Variants in PTPN3 observed in about 807,000 individuals in gnomAD.
The protein encoded by PTPN3 is protein tyrosine phosphatase non-receptor type 3.
PTPN3 carries 96 observed loss-of-function variants against 132.7 expected under a neutral mutation model. That is an observed-to-expected ratio of 0.72 (90% CI 0.61 to 0.86). PTPN3 has a LOEUF of 0.86. Ranked by LOEUF, PTPN3 falls within the 40% of genes least tolerant of loss-of-function variation. PTPN3 has a pLI of 0.00. For synonymous variants in PTPN3, 398 were observed against 429.0 expected (o/e 0.93, Z 0.89); for missense variants, 1,125 against 1,159.6 (o/e 0.97, Z 0.43).
chr9:109,420,363 A>G (rs889133316), intron 14 of PTPN3, 61 bp downstream of exon 14: 1 of 1,513,962 alleles, frequency 6.6e-7, no homozygotes. Flanking sequence ...CCTGGACCTG[A>G]GCAAATTCCG....
chr9:109,491,190 A>T (rs1269733194), intron 1 of PTPN3, among the ~76,000 whole-genome samples: 2 of 140,386 alleles, frequency 1.4e-5, no homozygotes, highest in Admixed American at 7.5e-5. Flanking sequence ...AGTGAGGGAC[A>T]CTCTCTCTCA....
the PTPN3 span, among the ~76,000 whole-genome samples, chr9:109,517,974 C>T: frequency 7.2e-5 from 11 of 152,188 alleles, no homozygotes; most frequent in Admixed American, 2.0e-4. Context: ...TCAAGCAGGT[C>T]CTCTCTCCTG....
chr9:109,430,676 G>C (rs1392909994), intron 10 of PTPN3, among the ~76,000 whole-genome samples: 2 of 152,198 alleles, frequency 1.3e-5, no homozygotes, highest in African/African-American at 4.8e-5. Flanking sequence ...ACCACATAAA[G>C]AATGATGCAT....
At chr9:109,390,298 G>A (rs989471229) in intron 21 of PTPN3, among the ~76,000 whole-genome samples, 8 of 152,206 alleles carry the variant, frequency 5.3e-5, no homozygotes, top group African/African-American at 1.9e-4. Flanking sequence ...AACTTAATCT[G>A]AGAAATCATC....
At chr9:109,532,519 T>C in the PTPN3 span, among the ~76,000 whole-genome samples, 5 of 151,412 alleles carry the variant, frequency 3.3e-5, no homozygotes, top group Non-Finnish European at 7.4e-5. Context: ...CTTACACATC[T>C]CCACTTGACC....
intron 7 of PTPN3, among the ~76,000 whole-genome samples, chr9:109,444,446 C>A (rs1180236580): frequency 1.3e-5 from 2 of 152,100 alleles, no homozygotes; most frequent in Admixed American, 1.3e-4. Context: ...GACTTTCTAT[C>A]CAATATGGTA....
chr9:109,391,435 G>A (rs763079219), intron 20 of PTPN3, 36 bp downstream of exon 20: 5 of 1,560,292 alleles, frequency 3.2e-6, no homozygotes, highest in Non-Finnish European at 4.4e-6. Flanking sequence ...TTATCTCAGT[G>A]TAGGGGGGAA....
At chr9:109,387,285 T>C (rs1327819352) in intron 22 of PTPN3, among the ~76,000 whole-genome samples, 1 of 152,212 alleles carries the variant, frequency 6.6e-6, no homozygotes. Flanking sequence ...TGATGAAGCC[T>C]GACTCAGAGA....
At chr9:109,507,786 T>G in the PTPN3 span, among the ~76,000 whole-genome samples, 1 of 152,212 alleles carries the variant, frequency 6.6e-6, no homozygotes, top group East Asian at 1.9e-4. Flanking sequence ...CGGGACTCAC[T>G]TTATGCAGCA....
intron 6 of PTPN3, among the ~76,000 whole-genome samples, chr9:109,446,760 C>T (rs987027576): frequency 2.0e-5 from 3 of 152,192 alleles, no homozygotes; most frequent in African/African-American, 7.2e-5. Flanking sequence ...GTTCCAAATA[C>T]ATACTAGGGA....
Position 109,438,305 on chromosome 9 carries a change from T to C in PTPN3, c.467-71A>G, listed in dbSNP as rs1208776244. 5 of 1,464,758 alleles carry C rather than the reference T, an allele frequency of 3.4e-6. No individual in the cohort carries two copies. The African/African-American group carries it at 7.0e-5, about 21-fold the overall frequency. The allele number at this position is 1,464,758 out of a possible 1,614,324, so 90.7% of individuals were successfully genotyped here. Reference sequence around the variant, plus strand: ...TTAATATGGTTTGCATTTATAAGCATCTACAGCATCATCAGAATAACATTA... The same window carrying C: ...TTAATATGGTTTGCATTTATAAGCACCTACAGCATCATCAGAATAACATTA... On this transcript the variant is annotated intron_variant, in intron 7 of 25. Coordinates refer to ENST00000374541, the MANE Select transcript of PTPN3 (RefSeq NM_002829.4).
the PTPN3 span, among the ~76,000 whole-genome samples, chr9:109,520,477 A>T: frequency 1.3e-5 from 2 of 152,252 alleles, no homozygotes; most frequent in Non-Finnish European, 2.9e-5. Context: ...AGTTTGGAAA[A>T]TTGACAGCAT....
chr9:109,483,400 C>T (rs904006332), intron 1 of PTPN3, among the ~76,000 whole-genome samples: 3 of 152,162 alleles, frequency 2.0e-5, no homozygotes, highest in Non-Finnish European at 4.4e-5. Flanking sequence ...CTCTCACTAA[C>T]ACCAGCTGTG....
chr9:109,515,263 A>T, the PTPN3 span, among the ~76,000 whole-genome samples: 1 of 152,150 alleles, frequency 6.6e-6, no homozygotes, highest in African/African-American at 2.4e-5. Flanking sequence ...AGGCTCAAGC[A>T]ATCTGCCCAC....
intron 23 of PTPN3, 149 bp downstream of exon 23, chr9:109,383,274 C>T: frequency 7.2e-7 from 1 of 1,398,252 alleles, no homozygotes; most frequent in Non-Finnish European, 9.9e-7. Flanking sequence ...ACTCTGGGCC[C>T]TGGCTCTTTG....
the PTPN3 span, among the ~76,000 whole-genome samples, chr9:109,514,784 G>A: frequency 6.6e-6 from 1 of 152,264 alleles, no homozygotes; most frequent in East Asian, 1.9e-4. Context: ...TTGGCCTTGT[G>A]ACTTGCTTTG....
At chr9:109,407,888 T>C (rs1311861784) in intron 17 of PTPN3, among the ~76,000 whole-genome samples, 2 of 152,048 alleles carry the variant, frequency 1.3e-5, no homozygotes, top group Non-Finnish European at 2.9e-5. Context: ...ACAAAGCAAA[T>C]GCTCTTCTTA....
Position 109,454,525 on chromosome 9 carries a change from A to C in PTPN3, c.339T>G (p.Asp113Glu), listed in dbSNP as rs775786259. 1 of 1,613,476 alleles carries C rather than the reference A, an allele frequency of 6.2e-7. No individual in the cohort carries two copies. The highest frequency in any genetic ancestry group is 8.5e-7 in the Non-Finnish European group (1 of 1,179,926). ...TTTGTTCTTGCTGCAGTGTGTTGGG[A>C]TCAGGTATAAAAAATCTTACTCGAA... is the stretch of plus-strand genomic sequence containing the variant. ...LHFRVRFFIP[D>E]PNTLQQEQTR... Residue 113 changes from aspartate to glutamate, a missense_variant, in exon 5 of 26, where the codon GAT (aspartate) becomes GAG (glutamate). Coordinates refer to ENST00000374541, the MANE Select transcript of PTPN3 (RefSeq NM_002829.4).
intron 19 of PTPN3, among the ~76,000 whole-genome samples, chr9:109,399,268 C>T (rs1032829541): frequency 5.3e-5 from 8 of 152,184 alleles, no homozygotes; most frequent in East Asian, 1.9e-4. Flanking sequence ...CTAGAGCAAT[C>T]GTCCCGCCTC....
Sources: gnomAD v4.1 joint callset for allele counts (sites outside exome capture counted in the v4.1 genomes callset) on GRCh38, gnomAD v4.1.1 for gene constraint, MANE v1.5 for transcripts, NCBI Gene and HGNC (gene_info 2026-07-23, HGNC 2026-07-21) for gene names.